Variants in NELL1 observed in about 807,000 individuals in gnomAD.
NELL1 encodes the protein neural EGFL like 1.
Under a neutral mutation model 107.4 loss-of-function variants are expected in NELL1, and 76 were observed. The observed-to-expected ratio is 0.71, with a 90% CI of 0.59 to 0.86. NELL1 has a LOEUF of 0.86. Among genes scored for constraint, NELL1 ranks in the 40% least tolerant of loss-of-function variants. The pLI is 0.00. For synonymous variants in NELL1, 353 were observed against 341.2 expected (o/e 1.03, Z -0.38); for missense variants, 1,024 against 1,005.5 (o/e 1.02, Z -0.25).
intron 12 of NELL1, among the ~76,000 whole-genome samples, chr11:20,983,239 G>GT (rs1248007075): frequency 3.3e-5 from 5 of 152,108 alleles, no homozygotes; most frequent in Non-Finnish European, 5.9e-5. Context: ...ATGTCACTCT[G>GT]GAATTTGTGC....
At chr11:20,960,628 G>T in intron 12 of NELL1, 68 bp downstream of exon 12, 2 of 1,556,638 alleles carry the variant, frequency 1.3e-6, no homozygotes, top group Non-Finnish European at 1.8e-6. Context: ...GGTAGATGTG[G>T]TTAAAGAGTG....
intron 5 of NELL1, among the ~76,000 whole-genome samples, chr11:20,895,989 T>TA (rs1194515006): frequency 2.6e-5 from 4 of 152,150 alleles, no homozygotes; most frequent in Non-Finnish European, 5.9e-5. Context: ...TTTATATTTT[T>TA]AAAAAAATTT....
At chr11:21,196,728 T>C (rs1367778009) in intron 13 of NELL1, among the ~76,000 whole-genome samples, 1 of 152,178 alleles carries the variant, frequency 6.6e-6, no homozygotes, top group Non-Finnish European at 1.5e-5. Flanking sequence ...CCTGCTAGAA[T>C]GTGAGCTGTA....
At chr11:21,247,557 A>G (rs1858526263) in intron 14 of NELL1, among the ~76,000 whole-genome samples, 2 of 152,176 alleles carry the variant, frequency 1.3e-5, no homozygotes, top group Non-Finnish European at 2.9e-5. Context: ...TTCAGGGGCA[A>G]TAGCACGCAT....
intron 13 of NELL1, among the ~76,000 whole-genome samples, chr11:21,221,657 G>C (rs1452460701): frequency 6.6e-6 from 1 of 152,056 alleles, no homozygotes; most frequent in Non-Finnish European, 1.5e-5. Context: ...AGGTTTTCCA[G>C]TTTGTTGGCA....
intron 14 of NELL1, among the ~76,000 whole-genome samples, chr11:21,270,328 C>A (rs1379677349): frequency 6.6e-6 from 1 of 151,918 alleles, no homozygotes; most frequent in Non-Finnish European, 1.5e-5. Context: ...AGATTAAAAG[C>A]AAATGGAAGA....
chr11:21,300,082 G>GAAAAC (rs955719260), intron 14 of NELL1, among the ~76,000 whole-genome samples: 6 of 151,878 alleles, frequency 4.0e-5, no homozygotes, highest in African/African-American at 7.2e-5. Context: ...AGGAAGAAAG[G>GAAAAC]AAAACAAAAC....
chr11:21,464,150 C>T (rs1048834455), intron 15 of NELL1, among the ~76,000 whole-genome samples: 1 of 152,044 alleles, frequency 6.6e-6, no homozygotes, highest in African/African-American at 2.4e-5. Flanking sequence ...ATACTCACTT[C>T]TAACCATATT....
intron 15 of NELL1, among the ~76,000 whole-genome samples, chr11:21,470,694 G>A (rs1016063323): frequency 1.3e-5 from 2 of 152,062 alleles, no homozygotes; most frequent in African/African-American, 4.8e-5. Context: ...CAGAAGCCAT[G>A]CCTTAGTCAT....
chr11:20,874,229 G>A (rs1362607673), intron 4 of NELL1, among the ~76,000 whole-genome samples: 1 of 152,028 alleles, frequency 6.6e-6, no homozygotes, highest in African/African-American at 2.4e-5. Flanking sequence ...CAACACACCC[G>A]GCTAATTTTT....
intron 13 of NELL1, among the ~76,000 whole-genome samples, chr11:21,216,044 C>T (rs1483309069): frequency 6.6e-6 from 1 of 152,238 alleles, no homozygotes; most frequent in Non-Finnish European, 1.5e-5. Context: ...GGTCCAGGGC[C>T]TCCCCTCTGT....
chr11:21,503,386 G>A (rs534146443), intron 15 of NELL1, among the ~76,000 whole-genome samples: 6 of 152,184 alleles, frequency 3.9e-5, no homozygotes, highest in South Asian at 2.1e-4. Context: ...ATGTTAAGAC[G>A]CGCTAGGACA....
At chr11:21,421,537 T>G (rs1945428) in intron 15 of NELL1, among the ~76,000 whole-genome samples, 69,457 of 151,512 alleles carry the variant, frequency 0.46, 16,653 homozygotes, top group African/African-American at 0.6. Context: ...ATTTTGCAGG[T>G]AGAGATACAA....
chr11:21,568,352 G>A (rs1183365209), intron 17 of NELL1, among the ~76,000 whole-genome samples: 1 of 151,838 alleles, frequency 6.6e-6, no homozygotes, highest in South Asian at 2.1e-4. Context: ...AGGTGAGTCA[G>A]TGAGTGAATG....
At chr11:20,981,174 A>G (rs1851741216) in intron 12 of NELL1, among the ~76,000 whole-genome samples, 4 of 152,218 alleles carry the variant, frequency 2.6e-5, no homozygotes, top group Admixed American at 2.6e-4. Context: ...TGAATTTTGA[A>G]GTATTTTGCC....
chr11:20,826,279 G>C (rs1019630158), intron 3 of NELL1, among the ~76,000 whole-genome samples: 1 of 151,032 alleles, frequency 6.6e-6, no homozygotes, highest in African/African-American at 2.4e-5. Flanking sequence ...TCTATATTAT[G>C]GCCCTCTGCC....
At chr11:21,085,047 A>G (rs1253670188) in intron 12 of NELL1, among the ~76,000 whole-genome samples, 1 of 152,240 alleles carries the variant, frequency 6.6e-6, no homozygotes, top group Non-Finnish European at 1.5e-5. Context: ...GTGATAATTC[A>G]TACAATATAT....
rs1857799524 is a variant in NELL1, at chr11:20,823,250, G to A, written c.336-24333G>A. Among the ~76,000 whole-genome samples the A allele has an allele frequency of 4.0e-5, 6 of 151,318 alleles. 1 individual carries two copies. The South Asian group carries it at 1.0e-3, about 26-fold the overall frequency. On this transcript the variant is annotated intron_variant, in intron 3 of 19. Coordinates refer to ENST00000357134, the MANE Select transcript of NELL1 (RefSeq NM_006157.5). ...AATGGTAGCAGGCAGAGAGAATGAGGAAGATGCAAAAGCAGAAACTCCTGA... is the reference window on the plus strand; with the variant it reads ...AATGGTAGCAGGCAGAGAGAATGAGAAAGATGCAAAAGCAGAAACTCCTGA...
chr11:21,318,257 T>C (rs1849924513), intron 14 of NELL1, among the ~76,000 whole-genome samples: 1 of 152,196 alleles, frequency 6.6e-6, no homozygotes, highest in Non-Finnish European at 1.5e-5. Context: ...CTGACATTGG[T>C]GTGCAGAGAT....
Sources: allele counts gnomAD v4.1 joint callset (sites outside exome capture counted in the v4.1 genomes callset), GRCh38; gene constraint gnomAD v4.1.1; transcripts MANE v1.5; gene names NCBI Gene and HGNC (gene_info 2026-07-23, HGNC 2026-07-21).